HR: variants seen among roughly 807,000 people sequenced by gnomAD.
The protein encoded by HR is lysine-specific demethylase hairless.
A neutral mutation model predicts 128.6 loss-of-function variants in HR; 83 were observed. The observed-to-expected ratio is 0.65, with a 90% CI of 0.54 to 0.77. The LOEUF (loss-of-function observed/expected upper bound fraction) is 0.77, where lower values mean the gene tolerates loss of function less well. HR is among the 30% of genes least tolerant of loss of function. The pLI, the probability that HR is intolerant of heterozygous loss-of-function variation, is 0.00. For missense variants in HR, 1,490 were observed against 1,574.6 expected, an observed-to-expected ratio of 0.95 and a Z score of 0.91; for synonymous variants, 681 against 658.2, an observed-to-expected ratio of 1.03 and a Z score of -0.53.
At chr8:22,125,247 AG>A in intron 5 of HR, 63 bp downstream of exon 5, 3 of 1,504,052 alleles carry the variant, frequency 2.0e-6, no homozygotes, top group African/African-American at 1.4e-5. Flanking sequence ...GGGTGGGGTC[AG>A]GGGAGGGACA....
In HR at chr8:22,128,393, G is replaced by A. The variant is rs930854849; in HGVS notation, c.612+166C>T. The A allele has an allele frequency of 3.2e-6, 3 of 928,192 alleles. No individual in the cohort carries two copies. In the Middle Eastern group the frequency reaches 6.3e-4, roughly 196 times the overall value. 57.5% of individuals were successfully genotyped at this position (928,192 alleles called of 1,614,324 possible). On this transcript the variant is annotated intron_variant, in intron 2 of 18. Coordinates refer to ENST00000381418, the MANE Select transcript of HR (RefSeq NM_005144.5). ...TAGAGAGATGGAGCTGCTCAGGGTA[G>A]GGCTTGCTTGGGGTTGACTGTGGGG...
At chr8:22,128,123 C>T in intron 2 of HR, 1 of 553,358 alleles carries the variant, frequency 1.8e-6, no homozygotes, top group Non-Finnish European at 3.2e-6. Context: ...GTGTCCTGTG[C>T]CATACTGAGT....
In HR at chr8:22,120,187, C is replaced by T. The variant is rs1309771216; in HGVS notation, c.2777-14G>A. ...ACTTTGGGCGAACTACAGGAGGAGACAGAACGGCCATTGGCCTCCTCAGCC... is the reference window on the plus strand; with the variant it reads ...ACTTTGGGCGAACTACAGGAGGAGATAGAACGGCCATTGGCCTCCTCAGCC... On this transcript the variant is annotated splice_polypyrimidine_tract_variant and intron_variant, in intron 12 of 18. Coordinates refer to ENST00000381418, the MANE Select transcript of HR (RefSeq NM_005144.5). 6.3e-7 allele frequency: 1 copy of T among 1,593,478 alleles called. No homozygotes were observed. Among genetic ancestry groups the T allele is most frequent in the South Asian group, 1.1e-5 (1 of 88,392 alleles).
At chr8:22,124,802 C>T (rs745951870) in intron 5 of HR, among the ~76,000 whole-genome samples, 11 of 152,228 alleles carry the variant, frequency 7.2e-5, no homozygotes, top group Non-Finnish European at 1.5e-4. Flanking sequence ...GGATGGATGG[C>T]GTGTGTGCTG....
In HR at chr8:22,129,134, T is replaced by G. The variant is rs143316642; in HGVS notation, c.37A>C (p.Thr13Pro). The G allele has an allele frequency of 4.5e-6, 7 of 1,554,548 alleles. 1 individual carries two copies. The African/African-American group carries it at 9.6e-5, about 21-fold the overall frequency. The change falls in exon 2 of 19, where the codon ACC (threonine) becomes CCC (proline). Residue 13 changes from threonine (T) to proline (P), a missense_variant. Physicochemically the swap from Thr to Pro is conservative, Grantham distance 38. This residue lies in a region of HR where 1,060 missense variants were observed against 1,060.9 expected (regional missense o/e 1.00). Coordinates refer to ENST00000381418, the MANE Select transcript of HR (RefSeq NM_005144.5). ...TTCTCTGGGGCCGTCTTCTCCCAGG[T>G]TGGGGTGCCCTTCAGGAAGCTGGGC... ...STPSFLKGTP[T>P]WEKTAPENGI...
chr8:22,117,387 C>G (rs980522844), intron 16 of HR: 1 of 300,022 alleles, frequency 3.3e-6, no homozygotes, highest in African/African-American at 2.2e-5. Flanking sequence ...CCGAGGGAGA[C>G]GTCCTGCATA....
In HR at chr8:22,119,803, G is replaced by T. The variant is rs746922853; in HGVS notation, c.2934C>A (p.Gly978=). The T allele has an allele frequency of 6.8e-6, 11 of 1,613,718 alleles. No homozygotes were observed. Among genetic ancestry groups the T allele is most frequent in the East Asian group, 6.7e-5 (3 of 44,868 alleles). The change falls in exon 14 of 19, where the codon GGC becomes GGA. Residue 978 remains glycine, a synonymous_variant. Transcript: ENST00000381418. ...KLNLASYLPP[G]LALRPLEPQL... ...GGGGCTCCAGTGGACGCAGGGCAAG[G>T]CCCGGTGGGAGGTAGGAAGCCAGGT...
At chr8:22,122,140 T>C (rs1330463175) in intron 8 of HR, among the ~76,000 whole-genome samples, 1 of 152,140 alleles carries the variant, frequency 6.6e-6, no homozygotes, top group African/African-American at 2.4e-5. Flanking sequence ...AGGTGTTAGG[T>C]GCCGGGATAC....
At chr8:22,119,421 C>A in intron 14 of HR, 138 bp from the exon 15 acceptor site, 1 of 1,246,492 alleles carries the variant, frequency 8.0e-7, no homozygotes, top group African/African-American at 1.5e-5. Flanking sequence ...CCAGCCTCAA[C>A]ATGGAGAAAC....
At chr8:22,125,005 T>C (rs1402266812) in intron 5 of HR, among the ~76,000 whole-genome samples, 1 of 152,160 alleles carries the variant, frequency 6.6e-6, no homozygotes, top group Non-Finnish European at 1.5e-5. Context: ...GAGGGGACCT[T>C]AGCCCAGGTC....
Position 22,127,166 on chromosome 8 carries a change from G to C in HR, c.1276C>G (p.Pro426Ala). ...SPEVQGAMGSPAPKRPPDPFP... is the reference protein window; with the variant it reads ...SPEVQGAMGSAAPKRPPDPFP... ...GGGTCCGGTGGCCGCTTGGGGGCTG[G>C]ACTGCCCATTGCTCCCTGGACCTCG... Residue 426 changes from proline (P) to alanine (A), a missense_variant, in exon 3 of 19, where the codon CCA (proline) becomes GCA (alanine). Transcript: ENST00000381418. 6.2e-7 allele frequency: 1 copy of C among 1,612,866 alleles called. No homozygotes were observed. The highest frequency in any genetic ancestry group is 1.7e-5 in the Admixed American group (1 of 60,024).
At chr8:22,117,074 G>T in intron 16 of HR, 35 bp from the exon 17 acceptor site, 1 of 1,462,310 alleles carries the variant, frequency 6.8e-7, no homozygotes, top group Non-Finnish European at 9.0e-7. Context: ...GCGAGATGGG[G>T]AGGGAAGGGC....
Position 22,123,789 on chromosome 8 carries a change from T to C in HR, c.1775A>G (p.Asp592Gly), listed in dbSNP as rs1826818868. Residue 592 changes from aspartate (D) to glycine (G), a missense_variant, in exon 6 of 19, where the codon GAC (aspartate) becomes GGC (glycine). Physicochemically the swap from Asp to Gly is moderately conservative, Grantham distance 94. Transcript: ENST00000381418. ...GCAGCAGCGTGGAATGCCTGGGCTG[T>C]CCTCTGTCACGGCTGGCCCTTGGCC... ...REGQGPAVTE[D>G]SPGIPRCCSR... 1 of 1,603,966 alleles carries C rather than the reference T, an allele frequency of 6.2e-7. No individual in the cohort carries two copies. The highest frequency in any genetic ancestry group is 2.2e-5 in the East Asian group (1 of 44,666).
intron 3 of HR, 62 bp downstream of exon 3, chr8:22,126,975 G>T (rs12681529): frequency 6.9e-7 from 1 of 1,441,272 alleles, no homozygotes; most frequent in Non-Finnish European, 9.5e-7. Flanking sequence ...CGCCCCATGC[G>T]AAGCCCCAGC....
rs935373253 is a variant in HR, at chr8:22,126,481, C to A, written c.1405+556G>T. Among the ~76,000 whole-genome samples, 16 of 152,352 alleles carry A rather than the reference C, an allele frequency of 1.1e-4. 1 individual carries two copies. The highest frequency in any genetic ancestry group is 1.0e-3 in the Admixed American group (16 of 15,304). On this transcript the variant is annotated intron_variant, in intron 3 of 18. Transcript: ENST00000381418. ...CAGCTCCACCTGGCCAAGAGAGCAG[C>A]CATTCCTGGCGCAGGACAAGGGATC...
intron 9 of HR, 24 bp from the exon 10 acceptor site, chr8:22,121,252 G>C: frequency 6.2e-7 from 1 of 1,611,968 alleles, no homozygotes; most frequent in South Asian, 1.1e-5. Flanking sequence ...AGATGGTGGG[G>C]GGCTTCGCGT....
intron 1 of HR, among the ~76,000 whole-genome samples, chr8:22,129,620 GC>G (rs1586389051): frequency 6.6e-6 from 1 of 152,252 alleles, no homozygotes; most frequent in Non-Finnish European, 1.5e-5. Context: ...ACTCCTCTGG[GC>G]CTCAGTGTGC....
In HR at chr8:22,129,131, A is replaced by G. The variant is rs1275963651; in HGVS notation, c.40T>C (p.Trp14Arg). 3.2e-6 allele frequency: 5 copies of G among 1,555,692 alleles called. No homozygotes were observed. Among genetic ancestry groups the G allele is most frequent in the Admixed American group, 3.9e-5 (2 of 50,942 alleles). Residue 14 changes from tryptophan (W) to arginine (R), a missense_variant, in exon 2 of 19, where the codon TGG becomes CGG. Physicochemically the swap from Trp to Arg is moderately radical, Grantham distance 101 (BLOSUM62 -3). This residue lies in a region of HR where 1,060 missense variants were observed against 1,060.9 expected (regional missense o/e 1.00). Transcript: ENST00000381418. ...TPSFLKGTPTWEKTAPENGIV... is the reference protein window; with the variant it reads ...TPSFLKGTPTREKTAPENGIV... ...CCGTTCTCTGGGGCCGTCTTCTCCC[A>G]GGTTGGGGTGCCCTTCAGGAAGCTG...
At chr8:22,118,769 CA>C (rs1826655180) in intron 16 of HR, 180 bp downstream of exon 16, 1 of 613,922 alleles carries the variant, frequency 1.6e-6, no homozygotes, top group African/African-American at 1.8e-5. Context: ...CTCTGAGCCC[CA>C]CGGCAGAACT....
Sources: allele counts gnomAD v4.1 joint callset (sites outside exome capture counted in the v4.1 genomes callset), GRCh38; gene constraint gnomAD v4.1.1; regional missense constraint gnomAD v4.1.1; transcripts MANE v1.5; gene names NCBI Gene and HGNC (gene_info 2026-07-23, HGNC 2026-07-21).